The following LITAF variants were observed in gnomAD, a reference collection of about 807,000 sequenced individuals.
The protein encoded by LITAF is lipopolysaccharide-induced tumor necrosis factor-alpha factor.
Under a neutral mutation model 14.5 loss-of-function variants are expected in LITAF, and 9 were observed. That is an observed-to-expected ratio of 0.62 (90% CI 0.37 to 1.08). LITAF has a LOEUF of 1.08. LITAF is among the 50% of genes least tolerant of loss of function. The pLI is 0.01. For synonymous variants in LITAF, 98 were observed against 88.2 expected (o/e 1.11, Z -0.62); for missense variants, 206 against 213.4 (o/e 0.97, Z 0.22).
chr16:11,633,939 A>G (rs2141911357), intron 2 of LITAF, among the ~76,000 whole-genome samples: 1 of 152,312 alleles, frequency 6.6e-6, no homozygotes, highest in South Asian at 2.1e-4. Context: ...TGATGCATGG[A>G]TAGCACCCAA....
At chr16:11,582,644 G>A (rs2064755844) in intron 1 of LITAF, among the ~76,000 whole-genome samples, 1 of 152,186 alleles carries the variant, frequency 6.6e-6, no homozygotes, top group Admixed American at 6.5e-5. Flanking sequence ...TAAAAAAAGG[G>A]ATTCCTTAGG....
intron 1 of LITAF, among the ~76,000 whole-genome samples, chr16:11,593,354 C>CAAAA (rs57678584): frequency 1.3e-4 from 7 of 54,748 alleles, no homozygotes; most frequent in African/African-American, 3.5e-4. Flanking sequence ...AACTCTGTCT[C>CAAAA]AAAAAAAAAA....
intron 2 of LITAF, among the ~76,000 whole-genome samples, chr16:11,554,310 A>T (rs1230599848): frequency 6.6e-6 from 1 of 152,122 alleles, no homozygotes; most frequent in East Asian, 1.9e-4. Flanking sequence ...TCTTTACACA[A>T]ACCCTTTGAT....
rs572275631 is a variant in LITAF at position 11,548,675 on chromosome 16, C to A, written c.*962G>T. On this transcript the variant is annotated 3_prime_UTR_variant, in exon 4 of 4. Coordinates refer to ENST00000622633, the MANE Select transcript of LITAF (RefSeq NM_001136472.2). ...TACAGAAAATGGTTTTATAAATCCT[C>A]CTCTTGAAATTATGTTCAGGCCCAG... The A allele has an allele frequency of 2.2e-6, 1 of 453,538 alleles. No individual in the cohort carries two copies. Among genetic ancestry groups the A allele is most frequent in the African/African-American group, 2.0e-5 (1 of 49,856 alleles). The allele number at this position is 453,538 out of a possible 1,614,324, so 28.1% of individuals were successfully genotyped here.
At chr16:11,576,542 A>AG (rs1384456523) in intron 1 of LITAF, among the ~76,000 whole-genome samples, 2 of 112,904 alleles carry the variant, frequency 1.8e-5, no homozygotes, top group East Asian at 2.0e-4. Context: ...TGCAAAAAAA[A>AG]AAAAAAAAAA....
chr16:11,559,222 C>T (rs973105687), intron 1 of LITAF, among the ~76,000 whole-genome samples: 6 of 152,194 alleles, frequency 3.9e-5, no homozygotes, highest in African/African-American at 1.4e-4. Context: ...TGCCACTGCA[C>T]TCTAGCCTGG....
chr16:11,554,055 A>C (rs566152662), intron 2 of LITAF, among the ~76,000 whole-genome samples: 12 of 152,060 alleles, frequency 7.9e-5, no homozygotes, highest in African/African-American at 2.7e-4. Context: ...ACATGACAAG[A>C]CCTCATCTCT....
chr16:11,556,881 G>T, intron 1 of LITAF, 146 bp from the exon 2 acceptor site: 1 of 733,484 alleles, frequency 1.4e-6, no homozygotes, highest in South Asian at 1.6e-5. Flanking sequence ...TAGGAAGAGG[G>T]TTAATGTCCC....
At chr16:11,584,516 G>A (rs1368039434) in intron 1 of LITAF, among the ~76,000 whole-genome samples, 1 of 152,118 alleles carries the variant, frequency 6.6e-6, no homozygotes, top group Non-Finnish European at 1.5e-5. Flanking sequence ...TCCATTTACT[G>A]TCTTCAACCA....
At chr16:11,638,345 C>T (rs1169175483), upstream of LITAF, among the ~76,000 whole-genome samples, 3 of 151,782 alleles carry the variant, frequency 2.0e-5, no homozygotes, top group African/African-American at 4.8e-5. Context: ...CACATGGTAA[C>T]AGCATGATTT....
In LITAF at chr16:11,548,588, C is replaced by CTTT; in HGVS notation, c.*1046_*1048dup. 2.4e-6 allele frequency: 1 copy of CTTT among 421,632 alleles called. No individual in the cohort carries two copies. Among genetic ancestry groups the CTTT allele is most frequent in the Non-Finnish European group, 4.6e-6 (1 of 215,572 alleles). 26.1% of individuals were successfully genotyped at this position (421,632 alleles called of 1,614,324 possible). ...TAGATGAAATTATCCATTTCTTTTT[C>CTTT]TTTTTTTTTTTTTTAAGTGAGACTA... On this transcript the variant is annotated 3_prime_UTR_variant, in exon 4 of 4. Transcript: ENST00000622633.
intron 3 of LITAF, among the ~76,000 whole-genome samples, chr16:11,625,607 T>A (rs1481339762): frequency 6.6e-6 from 1 of 152,180 alleles, no homozygotes; most frequent in Non-Finnish European, 1.5e-5. Context: ...AGCATCAGCC[T>A]CTGGGGGAAC....
At chr16:11,582,832 G>T (rs1250442382) in intron 1 of LITAF, among the ~76,000 whole-genome samples, 3 of 152,122 alleles carry the variant, frequency 2.0e-5, no homozygotes, top group Admixed American at 1.3e-4. Flanking sequence ...TCAACTTTCA[G>T]GAACTATCCA....
At chr16:11,611,156 C>G (rs2064980230) in intron 3 of LITAF, among the ~76,000 whole-genome samples, 1 of 151,882 alleles carries the variant, frequency 6.6e-6, no homozygotes, top group African/African-American at 2.4e-5. Flanking sequence ...CAAGACCAGC[C>G]TAGGCAAAAA....
chr16:11,625,482 C>G (rs561051833), intron 3 of LITAF, among the ~76,000 whole-genome samples: 55 of 152,136 alleles, frequency 3.6e-4, no homozygotes, highest in African/African-American at 1.3e-3. Context: ...AGGCTGGTCT[C>G]CAACTCCTGG....
At chr16:11,566,148 AT>A (rs948127760) in intron 1 of LITAF, among the ~76,000 whole-genome samples, 5 of 152,060 alleles carry the variant, frequency 3.3e-5, no homozygotes, top group African/African-American at 1.2e-4. Flanking sequence ...TGTTTGCTGT[AT>A]TTGTCATAAA....
At chr16:11,639,861 GC>G (rs1373950181), upstream of LITAF, among the ~76,000 whole-genome samples, 3 of 152,086 alleles carry the variant, frequency 2.0e-5, no homozygotes, top group East Asian at 1.9e-4. Context: ...CAGGGCCTCT[GC>G]CTCCTAAGCT....
intron 3 of LITAF, among the ~76,000 whole-genome samples, chr16:11,616,123 C>T (rs565144299): frequency 1.3e-5 from 2 of 152,180 alleles, no homozygotes; most frequent in Non-Finnish European, 2.9e-5. Flanking sequence ...ACATTCAGGG[C>T]CCTTCCAGAC....
chr16:11,553,406 A>G lies in LITAF; in HGVS notation c.377+127T>C, dbSNP rs1231455509. On this transcript the variant is annotated intron_variant, in intron 3 of 3. Coordinates refer to ENST00000622633, the MANE Select transcript of LITAF (RefSeq NM_001136472.2). The surrounding 1 kb of genome is among the most constrained non-coding windows in gnomAD (Gnocchi z 7.7). The stretch of plus-strand genomic sequence containing the variant: ...AGCCTGGGCGACAGAACCAGATTCC[A>G]TCTCAAAAAAAAACAACACAAATGT... The G allele has an allele frequency of 2.4e-5, 25 of 1,060,980 alleles. No individual in the cohort carries two copies. The highest frequency in any genetic ancestry group is 5.8e-4 in the Middle Eastern group (2 of 3,464). 65.7% of individuals were successfully genotyped at this position (1,060,980 alleles called of 1,614,324 possible).
Sources: gnomAD v4.1 joint callset for allele counts (sites outside exome capture counted in the v4.1 genomes callset) on GRCh38, gnomAD v4.1.1 for gene constraint, Gnocchi (gnomAD v3.1) non-coding constraint, MANE v1.5 for transcripts, NCBI Gene and HGNC (gene_info 2026-07-23, HGNC 2026-07-21) for gene names.